OSBPL3: variants seen among roughly 807,000 people sequenced by gnomAD.
The protein encoded by OSBPL3 is oxysterol-binding protein-related protein 3.
Under a neutral mutation model 120.1 loss-of-function variants are expected in OSBPL3, and 65 were observed. That is an observed-to-expected ratio of 0.54 (90% CI 0.44 to 0.67). The LOEUF (loss-of-function observed/expected upper bound fraction) is 0.67. OSBPL3 is among the 30% of genes least tolerant of loss of function. The pLI is 0.00. For missense variants in OSBPL3, 1,004 were observed against 1,082.1 expected (o/e 0.93, Z 1.01); for synonymous variants, 416 against 402.6 (o/e 1.03, Z -0.40).
Position 24,863,419 on chromosome 7 carries a change from A to C in OSBPL3, c.777+77T>G, listed in dbSNP as rs1800855964. ...CTGAAGCAACTGACCACAGCATCCCACTGTTAGTGAAAGGCTGGGAGGAGA... is the reference window on the plus strand; with the variant it reads ...CTGAAGCAACTGACCACAGCATCCCCCTGTTAGTGAAAGGCTGGGAGGAGA... On this transcript the variant is annotated intron_variant, in intron 8 of 22. Coordinates refer to ENST00000313367, the MANE Select transcript of OSBPL3 (RefSeq NM_015550.4). The surrounding 1 kb of genome is among the most constrained non-coding windows in gnomAD (Gnocchi z 5.8). The C allele has an allele frequency of 7.2e-7, 1 of 1,384,588 alleles. No homozygotes were observed. The highest frequency in any genetic ancestry group is 1.2e-5 in the South Asian group (1 of 86,236). 85.8% of individuals were successfully genotyped at this position (1,384,588 alleles called of 1,614,324 possible).
rs1363131604 is a variant in OSBPL3 at position 24,879,332 on chromosome 7, A to AC, written c.97-7264_97-7263insG. On this transcript the variant is annotated intron_variant, in intron 2 of 22. Transcript: ENST00000313367. The surrounding 1 kb of genome is among the most constrained non-coding windows in gnomAD (Gnocchi z 5.6). ...AAGTGAGAAGATTAAAGAAAACAGG[A>AC]GACTGAGCAATGAAGCTCCCACTTG... 6.6e-6 allele frequency among the ~76,000 whole-genome samples: 1 copy of AC among 152,230 alleles called. No individual in the cohort carries two copies. Among genetic ancestry groups the AC allele is most frequent in the Non-Finnish European group, 1.5e-5 (1 of 68,036 alleles).
At chr7:24,837,372 T>G (rs1797135184) in intron 14 of OSBPL3, among the ~76,000 whole-genome samples, 1 of 151,952 alleles carries the variant, frequency 6.6e-6, no homozygotes, top group Non-Finnish European at 1.5e-5. Flanking sequence ...CCTGGCTAGT[T>G]TTTGTATCTT....
At chr7:24,921,202 T>TA (rs11459687) in intron 1 of OSBPL3, among the ~76,000 whole-genome samples, 90,374 of 150,874 alleles carry the variant, frequency 0.6, 27,461 homozygotes, top group East Asian at 0.76. Flanking sequence ...AAGCCCACAT[T>TA]AAAAAAAAAG....
chr7:24,890,042 A>C (rs1419609383), intron 2 of OSBPL3, among the ~76,000 whole-genome samples: 2 of 152,230 alleles, frequency 1.3e-5, no homozygotes, highest in Non-Finnish European at 2.9e-5. Flanking sequence ...GCGCAGAGAA[A>C]GAATACATGG....
chr7:24,842,613 A>C (rs763650246), intron 12 of OSBPL3, among the ~76,000 whole-genome samples, 200 bp from the exon 13 acceptor site: 1 of 152,334 alleles, frequency 6.6e-6, no homozygotes, highest in Non-Finnish European at 1.5e-5. Context: ...CCTCACTTAC[A>C]GGCACTATCA....
rs1164424597 is a variant in OSBPL3, at chr7:24,930,479, C to CA, written c.-149-37859dup. Among the ~76,000 whole-genome samples, 1 of 151,796 alleles carries CA rather than the reference C, an allele frequency of 6.6e-6. No homozygotes were observed. Among genetic ancestry groups the CA allele is most frequent in the Non-Finnish European group, 1.5e-5 (1 of 67,948 alleles). ...AAAGTAAACTTTTTATTGCTGACAGCAAAAAAGACACAGGTTTCAGTGGGA... is the reference window on the plus strand; with the variant it reads ...AAAGTAAACTTTTTATTGCTGACAGCAAAAAAAGACACAGGTTTCAGTGGGA... On this transcript the variant is annotated intron_variant, in intron 1 of 22. Transcript: ENST00000313367. This position sits in a 1 kb window ranked among gnomAD's most constrained non-coding sequence, Gnocchi z 4.4.
At position 24,822,413 on chromosome 7, in the gene OSBPL3, A is replaced by G. The variant is rs111438354; in HGVS notation, c.1885-2175T>C. ...CCAGGAGTTCAAGACCAGCCTGGGC[A>G]ACATAGTGAGACACTATCTATAATA... On this transcript the variant is annotated intron_variant, in intron 16 of 22. Transcript: ENST00000313367. The surrounding 1 kb of genome is among the most constrained non-coding windows in gnomAD (Gnocchi z 5.8). Among the ~76,000 whole-genome samples, 12 of 152,264 alleles carry G rather than the reference A, an allele frequency of 7.9e-5. No homozygotes were observed. The highest frequency in any genetic ancestry group is 2.9e-4 in the African/African-American group (12 of 41,544).
intron 18 of OSBPL3, among the ~76,000 whole-genome samples, chr7:24,816,303 C>T (rs1430854543): frequency 6.6e-6 from 1 of 152,198 alleles, no homozygotes; most frequent in Non-Finnish European, 1.5e-5. Context: ...GCTGGGATTA[C>T]AGATGTGAGC....
At position 24,881,344 on chromosome 7, in the gene OSBPL3, A is replaced by G. The variant is rs1375076113; in HGVS notation, c.97-9275T>C. Among the ~76,000 whole-genome samples the G allele has an allele frequency of 2.6e-5, 4 of 151,556 alleles. No homozygotes were observed. The highest frequency in any genetic ancestry group is 5.9e-5 in the Non-Finnish European group (4 of 68,026). On this transcript the variant is annotated intron_variant, in intron 2 of 22. Transcript: ENST00000313367. This position sits in a 1 kb window ranked among gnomAD's most constrained non-coding sequence, Gnocchi z 4.3. ...TCTCAGAGAACTTTACAAATCAAAG[A>G]AGGAATGACTTTAGTGCCAAGTATG...
At chr7:24,935,185 A>G (rs951911698) in intron 1 of OSBPL3, among the ~76,000 whole-genome samples, 1 of 152,194 alleles carries the variant, frequency 6.6e-6, no homozygotes, top group Admixed American at 6.5e-5. Context: ...GAAGAAATAT[A>G]TATTCACAAG....
chr7:24,883,843 A>G lies in OSBPL3; in HGVS notation c.96+8534T>C, dbSNP rs1301735285. 9.9e-5 allele frequency among the ~76,000 whole-genome samples: 15 copies of G among 152,178 alleles called. No individual in the cohort carries two copies. The highest frequency in any genetic ancestry group is 2.2e-4 in the Non-Finnish European group (15 of 68,030). ...TGATACTTTAACCTCTTCTGATATCAAATGTTTGTTTGTGTCTTATAAGAC... is the reference window on the plus strand; with the variant it reads ...TGATACTTTAACCTCTTCTGATATCGAATGTTTGTTTGTGTCTTATAAGAC... On this transcript the variant is annotated intron_variant, in intron 2 of 22. Transcript: ENST00000313367. The surrounding 1 kb of genome is among the most constrained non-coding windows in gnomAD (Gnocchi z 5.4).
intron 5 of OSBPL3, among the ~76,000 whole-genome samples, chr7:24,866,473 AC>A (rs1393090706): frequency 6.6e-6 from 1 of 152,094 alleles, no homozygotes; most frequent in Non-Finnish European, 1.5e-5. Context: ...CCCTGTCTCT[AC>A]AAAAAATACC....
Position 24,852,709 on chromosome 7 carries a change from C to A in OSBPL3, c.1028-75G>T. ...ACAAAATACAGAAAAAAACATATCT[C>A]TTATAAAAGAAACAAGCAAAGTAAC... On this transcript the variant is annotated intron_variant, in intron 10 of 22. Coordinates refer to ENST00000313367, the MANE Select transcript of OSBPL3 (RefSeq NM_015550.4). The surrounding 1 kb of genome is among the most constrained non-coding windows in gnomAD (Gnocchi z 4.1). 1 of 988,964 alleles carries A rather than the reference C, an allele frequency of 1.0e-6. No homozygotes were observed. Among genetic ancestry groups the A allele is most frequent in the Middle Eastern group, 2.9e-4 (1 of 3,454 alleles). 61.3% of individuals were successfully genotyped at this position (988,964 alleles called of 1,614,324 possible).
chr7:24,816,726 G>A, intron 17 of OSBPL3, 38 bp from the exon 18 acceptor site: 1 of 1,311,602 alleles, frequency 7.6e-7, no homozygotes, highest in African/African-American at 1.4e-5. Flanking sequence ...TTTAGCAGGA[G>A]AGGTAGGTAG....
chr7:24,834,516 G>C lies in OSBPL3; in HGVS notation c.1716C>G (p.Ala572=). 2 of 1,613,468 alleles carry C rather than the reference G, an allele frequency of 1.2e-6. No individual in the cohort carries two copies. The highest frequency in any genetic ancestry group is 1.3e-5 in the African/African-American group (1 of 75,050). ...TTTCCAGGGGGCTGGGAATCTGCGC[G>C]GCCTTGTCCAGGAGCTCGCTGTACT... ...ELEYSELLDK[A]AQIPSPLERM... The change falls in exon 15 of 23, where the codon GCC becomes GCG. Residue 572 remains alanine (A), a synonymous_variant. Transcript: ENST00000313367. This position sits in a 1 kb window ranked among gnomAD's most constrained non-coding sequence, Gnocchi z 5.2.
Position 24,877,445 on chromosome 7 carries a change from G to C in OSBPL3, c.97-5376C>G, listed in dbSNP as rs1803007640. 6.6e-6 allele frequency among the ~76,000 whole-genome samples: 1 copy of C among 152,062 alleles called. No individual in the cohort carries two copies. The highest frequency in any genetic ancestry group is 2.4e-5 in the African/African-American group (1 of 41,372). ...GCCTGCCCCATCTACCTCTTAGCCA[G>C]GTAAATTCTCATTTAGGCCCAAACC... On this transcript the variant is annotated intron_variant, in intron 2 of 22. Coordinates refer to ENST00000313367, the MANE Select transcript of OSBPL3 (RefSeq NM_015550.4). This position sits in a 1 kb window ranked among gnomAD's most constrained non-coding sequence, Gnocchi z 4.8.
Position 24,918,784 on chromosome 7 carries a change from G to A in OSBPL3, c.-149-26163C>T, listed in dbSNP as rs1810034563. ...TTCCAATTCCTATGATGACCCTGGA[G>A]AAAATACTTTCTAAATGGAAGAAGA... On this transcript the variant is annotated intron_variant, in intron 1 of 22. Transcript: ENST00000313367. This position sits in a 1 kb window ranked among gnomAD's most constrained non-coding sequence, Gnocchi z 4.3. Among the ~76,000 whole-genome samples, 1 of 152,090 alleles carries A rather than the reference G, an allele frequency of 6.6e-6. No homozygotes were observed. Among genetic ancestry groups the A allele is most frequent in the Admixed American group, 6.6e-5 (1 of 15,266 alleles).
chr7:24,979,595 C>G (rs1817997364), intron 1 of OSBPL3, among the ~76,000 whole-genome samples: 1 of 152,160 alleles, frequency 6.6e-6, no homozygotes, highest in Non-Finnish European at 1.5e-5. Context: ...GCACCTGCGC[C>G]GCGGCCCCTG....
intron 10 of OSBPL3, among the ~76,000 whole-genome samples, chr7:24,857,559 G>A (rs1799988066): frequency 6.6e-6 from 1 of 152,208 alleles, no homozygotes; most frequent in Admixed American, 6.5e-5. Context: ...CATTTAACAG[G>A]CTATCAAGGG....
Sources: gnomAD v4.1 joint callset for allele counts (sites outside exome capture counted in the v4.1 genomes callset) on GRCh38, gnomAD v4.1.1 for gene constraint, Gnocchi (gnomAD v3.1) non-coding constraint, MANE v1.5 for transcripts, NCBI Gene and HGNC (gene_info 2026-07-23, HGNC 2026-07-21) for gene names.